Variants in ITGAE observed in about 807,000 individuals in gnomAD.
ITGAE encodes the protein integrin subunit alpha E.
ITGAE carries 99 observed loss-of-function variants against 136.5 expected under a neutral mutation model. The observed-to-expected ratio is 0.73, with a 90% CI of 0.62 to 0.86. The LOEUF (loss-of-function observed/expected upper bound fraction) is 0.86, where lower values mean the gene tolerates loss of function less well. Among genes scored for constraint, ITGAE ranks in the 40% least tolerant of loss-of-function variants. ITGAE has a pLI of 0.00. For synonymous variants in ITGAE, 613 were observed against 591.8 expected, an observed-to-expected ratio of 1.04 and a Z score of -0.52; for missense variants, 1,447 against 1,515.3, an observed-to-expected ratio of 0.95 and a Z score of 0.75.
intron 1 of ITGAE, chr17:3,784,381 C>A (rs112490878): frequency 3.4e-6 from 1 of 294,896 alleles, no homozygotes. Flanking sequence ...CTGTACCCAA[C>A]AATGGAAAAA....
At chr17:3,740,904 C>T (rs1469468711) in intron 19 of ITGAE, among the ~76,000 whole-genome samples, 2 of 152,142 alleles carry the variant, frequency 1.3e-5, no homozygotes, top group Non-Finnish European at 2.9e-5. Flanking sequence ...GTGGCCACCT[C>T]GGCAGCTGTC....
intron 20 of ITGAE, among the ~76,000 whole-genome samples, chr17:3,738,088 G>A (rs1228817540): frequency 1.3e-5 from 2 of 152,144 alleles, no homozygotes; most frequent in Admixed American, 6.6e-5. Context: ...CCCCATATAC[G>A]GCAACTCCAG....
chr17:3,797,351 G>C (rs1315370134), intron 1 of ITGAE, among the ~76,000 whole-genome samples: 1 of 150,926 alleles, frequency 6.6e-6, no homozygotes, highest in Non-Finnish European at 1.5e-5. Context: ...GTTTTTAGTA[G>C]AGACGGAGTT....
chr17:3,732,242 C>T (rs2051361490), intron 22 of ITGAE, 126 bp downstream of exon 22: 2 of 756,660 alleles, frequency 2.6e-6, no homozygotes, highest in Non-Finnish European at 4.7e-6. Flanking sequence ...ACTGTAAGCA[C>T]TGCTGGGGAC....
At chr17:3,759,318 G>A in intron 8 of ITGAE, 84 bp downstream of exon 8, 4 of 1,508,192 alleles carry the variant, frequency 2.7e-6, no homozygotes, top group Non-Finnish European at 3.6e-6. Context: ...TTCTCCTGCG[G>A]TTCTGGCCAG....
intron 10 of ITGAE, 97 bp downstream of exon 10, chr17:3,756,887 G>T: frequency 7.7e-7 from 1 of 1,301,390 alleles, no homozygotes. Flanking sequence ...GGGAGATGAT[G>T]GGAGTTGCTC....
intron 1 of ITGAE, among the ~76,000 whole-genome samples, chr17:3,783,785 T>C (rs182520867): frequency 6.6e-6 from 1 of 152,342 alleles, no homozygotes; most frequent in African/African-American, 2.4e-5. Flanking sequence ...AGGAGATATA[T>C]GCACACAAAT....
At chr17:3,741,945 TAC>T in intron 19 of ITGAE, among the ~76,000 whole-genome samples, 1 of 152,220 alleles carries the variant, frequency 6.6e-6, no homozygotes, top group Middle Eastern at 3.4e-3. Context: ...AGCATGGTGA[TAC>T]ATGCCTGTAA....
intron 23 of ITGAE, chr17:3,730,509 G>A (rs2143010309): frequency 1.3e-5 from 2 of 151,166 alleles, no homozygotes; most frequent in Admixed American, 1.3e-4. Flanking sequence ...GTTCAGAATT[G>A]TCTCTAGAAG....
At chr17:3,795,847 C>CCG (rs1456668102) in intron 1 of ITGAE, among the ~76,000 whole-genome samples, 2 of 122,732 alleles carry the variant, frequency 1.6e-5, no homozygotes, top group African/African-American at 3.3e-5. Context: ...ATGTGTGCAT[C>CCG]TGTGTGTGTG....
At chr17:3,754,152 G>A (rs990264943) in intron 12 of ITGAE, among the ~76,000 whole-genome samples, 1 of 152,164 alleles carries the variant, frequency 6.6e-6, no homozygotes, top group Non-Finnish European at 1.5e-5. Flanking sequence ...TGTCTGTCAC[G>A]TATGCAGCTT....
rs2053198016 is a variant in ITGAE, at chr17:3,799,496, T to C, written c.34+1615A>G. Among the ~76,000 whole-genome samples, 2 of 152,234 alleles carry C rather than the reference T, an allele frequency of 1.3e-5. No individual in the cohort carries two copies. Among genetic ancestry groups the C allele is most frequent in the Non-Finnish European group, 2.9e-5 (2 of 68,018 alleles). The stretch of plus-strand genomic sequence containing the variant: ...GGTCTCAGAGGCTAAAGGAGACAGA[T>C]GAGCCACAGGAGTATTCTGGAGCTG... On this transcript the variant is annotated intron_variant, in intron 1 of 30. Transcript: ENST00000263087. This position sits in a 1 kb window ranked among gnomAD's most constrained non-coding sequence, Gnocchi z 4.1.
rs56101818 is a variant in ITGAE, at chr17:3,797,157, A to ATT, written c.34+3952_34+3953dup. Among the ~76,000 whole-genome samples, 22 of 94,434 alleles carry ATT rather than the reference A, an allele frequency of 2.3e-4. 1 individual carries two copies. The highest frequency in any genetic ancestry group is 1.2e-3 in the South Asian group (3 of 2,558). The allele number at this position is 94,434 out of a possible 152,430, so 62.0% of individuals were successfully genotyped here. A position where few individuals can be genotyped will look rare whatever the true frequency, so the allele number is the denominator to read the frequency against. ...GGAAACTAAATATATATATATATAT[A>ATT]TTTTTTTTTTTTTTTTTTTTTTTTT... On this transcript the variant is annotated intron_variant, in intron 1 of 30. Coordinates refer to ENST00000263087, the MANE Select transcript of ITGAE (RefSeq NM_002208.5).
intron 1 of ITGAE, 60 bp downstream of exon 1, chr17:3,801,051 G>A (rs1278395308): frequency 6.3e-7 from 1 of 1,587,192 alleles, no homozygotes; most frequent in East Asian, 2.2e-5. Context: ...GTAGTCTGCA[G>A]ACACCTGGCT....
At chr17:3,787,504 C>T (rs1013950816) in intron 1 of ITGAE, among the ~76,000 whole-genome samples, 7 of 152,218 alleles carry the variant, frequency 4.6e-5, no homozygotes, top group East Asian at 1.9e-4. Flanking sequence ...GCAATCCTCC[C>T]GCCCTGGCAT....
chr17:3,726,565 C>T (rs72825407), intron 26 of ITGAE: 84,123 of 502,894 alleles, frequency 0.17, 7,951 homozygotes, highest in Non-Finnish European at 0.21. Flanking sequence ...CAGTGGCGTG[C>T]GCCTGTAGTC....
At chr17:3,741,202 C>T (rs1461995836) in intron 19 of ITGAE, among the ~76,000 whole-genome samples, 23 of 150,932 alleles carry the variant, frequency 1.5e-4, no homozygotes, top group African/African-American at 4.4e-4. Context: ...CTCAGACTCC[C>T]GAGTAGCTGG....
intron 19 of ITGAE, among the ~76,000 whole-genome samples, chr17:3,741,487 A>C (rs945867299): frequency 6.6e-6 from 1 of 151,750 alleles, no homozygotes; most frequent in Non-Finnish European, 1.5e-5. Context: ...GCCAGAACGC[A>C]CTCTCTGGTA....
At chr17:3,729,669 A>G (rs2051297021) in intron 23 of ITGAE, 114 bp from the exon 24 acceptor site, 2 of 752,502 alleles carry the variant, frequency 2.7e-6, no homozygotes, top group Non-Finnish European at 2.4e-6. Context: ...GTCTCAGCTC[A>G]CTGCAACCTC....
Sources: allele counts gnomAD v4.1 joint callset (sites outside exome capture counted in the v4.1 genomes callset), GRCh38; gene constraint gnomAD v4.1.1; non-coding constraint Gnocchi (gnomAD v3.1); transcripts MANE v1.5; gene names NCBI Gene and HGNC (gene_info 2026-07-23, HGNC 2026-07-21).